TMPRSS15: variants seen among roughly 807,000 people sequenced by gnomAD.
TMPRSS15 encodes enteropeptidase.
In TMPRSS15, 128 loss-of-function variants were observed where a neutral mutation model predicts 125.3. The observed-to-expected ratio is 1.02, with a 90% CI of 0.89 to 1.18. The LOEUF (loss-of-function observed/expected upper bound fraction) is 1.18, where lower values mean the gene tolerates loss of function less well. TMPRSS15 is among the 50% of genes most tolerant of loss of function. The pLI is 0.00. For synonymous variants in TMPRSS15, 446 were observed against 423.2 expected (o/e 1.05, Z -0.66); for missense variants, 1,283 against 1,212.7 (o/e 1.06, Z -0.86).
At chr21:18,310,482 C>G (rs1253568888) in intron 18 of TMPRSS15, among the ~76,000 whole-genome samples, 1 of 151,778 alleles carries the variant, frequency 6.6e-6, no homozygotes, top group Non-Finnish European at 1.5e-5. Flanking sequence ...AAACAAACAC[C>G]TAGAAATAAA....
intron 8 of TMPRSS15, among the ~76,000 whole-genome samples, chr21:18,354,607 A>T (rs2147010309): frequency 6.6e-6 from 1 of 151,836 alleles, no homozygotes. Context: ...GGAGAAAAAC[A>T]GTTTTAATTT....
intron 1 of TMPRSS15, among the ~76,000 whole-genome samples, chr21:18,453,267 A>G (rs1195293238): frequency 6.6e-6 from 1 of 152,172 alleles, no homozygotes; most frequent in Non-Finnish European, 1.5e-5. Flanking sequence ...AATAAATCTG[A>G]TTATATTTCC....
chr21:18,394,515 T>TTCTCTCTCTCTCTCTCTGTC (rs992477854), intron 3 of TMPRSS15, among the ~76,000 whole-genome samples: 1 of 148,736 alleles, frequency 6.7e-6, no homozygotes, highest in Non-Finnish European at 1.5e-5. Flanking sequence ...ATGTATGGCA[T>TTCTCTCTCTCTCTCTCTGTC]TCTCTCTCTC....
In TMPRSS15 at chr21:18,326,569, A is replaced by G. The variant is rs1601338358; in HGVS notation, c.1784T>C (p.Val595Ala). 2.5e-6 allele frequency: 4 copies of G among 1,614,076 alleles called. No homozygotes were observed. The East Asian group carries it at 6.7e-5, about 27-fold the overall frequency. The change falls in exon 16 of 25, where the codon GTG becomes GCG. Residue 595 changes from valine to alanine, a missense_variant. By Grantham distance (64) the Val-to-Ala change is moderately conservative. Transcript: ENST00000284885. The stretch of plus-strand genomic sequence containing the variant: ...CTTTACTGGGCCAGGCCCTGTGTAC[A>G]CAGCTGTTCCAAAGGAAAACGAGAT... ...GEEADSLLLAVYTGPGPVKDV... is the reference protein window; with the variant it reads ...GEEADSLLLAAYTGPGPVKDV...
At chr21:18,392,039 G>T (rs2075995178) in intron 3 of TMPRSS15, among the ~76,000 whole-genome samples, 2 of 152,220 alleles carry the variant, frequency 1.3e-5, no homozygotes, top group African/African-American at 4.8e-5. Flanking sequence ...GTACACAGCA[G>T]TGGGGTCCTG....
rs202065348 is a variant in TMPRSS15 at position 18,357,400 on chromosome 21, GA to G, written c.880+2356del. Among the ~76,000 whole-genome samples, 894 of 151,696 alleles carry G rather than the reference GA, an allele frequency of 5.9e-3. 12 individuals are homozygous for G. The highest frequency in any genetic ancestry group is 0.02 in the African/African-American group (833 of 41,454). ...ATCACAATTGTAGATTAAAATGATG[GA>G]AAAAAATGCCTTTAGGATTTGTTTA... On this transcript the variant is annotated intron_variant, in intron 8 of 24. Coordinates refer to ENST00000284885, the MANE Select transcript of TMPRSS15 (RefSeq NM_002772.3).
intron 3 of TMPRSS15, among the ~76,000 whole-genome samples, chr21:18,396,441 G>A (rs1378588004): frequency 2.0e-5 from 3 of 152,050 alleles, no homozygotes; most frequent in African/African-American, 4.8e-5. Context: ...CGGAATAATT[G>A]CATCTCCCTC....
At chr21:18,388,946 G>T (rs1302132136) in intron 3 of TMPRSS15, among the ~76,000 whole-genome samples, 2 of 152,078 alleles carry the variant, frequency 1.3e-5, no homozygotes, top group African/African-American at 4.8e-5. Context: ...TGGAAACAGA[G>T]GGAAGGGACT....
At chr21:18,279,410 C>T (rs1013459078) in intron 22 of TMPRSS15, among the ~76,000 whole-genome samples, 1 of 145,002 alleles carries the variant, frequency 6.9e-6, no homozygotes, top group African/African-American at 2.5e-5. Context: ...ACTGCAAGCT[C>T]CACCTCCCAG....
intron 6 of TMPRSS15, among the ~76,000 whole-genome samples, chr21:18,367,056 AT>A (rs1291252488): frequency 6.6e-6 from 1 of 152,082 alleles, no homozygotes; most frequent in Non-Finnish European, 1.5e-5. Flanking sequence ...GTGCATAAAA[AT>A]TTACTTTGGT....
intron 13 of TMPRSS15, among the ~76,000 whole-genome samples, chr21:18,338,793 T>C (rs1257352958): frequency 1.3e-5 from 2 of 152,068 alleles, no homozygotes; most frequent in Non-Finnish European, 2.9e-5. Context: ...TCACCAATTA[T>C]TGTGATGTTA....
At chr21:18,326,293 A>G (rs2075289603) in intron 16 of TMPRSS15, 139 bp downstream of exon 16, 4 of 1,283,356 alleles carry the variant, frequency 3.1e-6, no homozygotes, top group Middle Eastern at 2.6e-4. Context: ...AGGAGGAAAA[A>G]TCATCTTCAT....
intron 1 of TMPRSS15, among the ~76,000 whole-genome samples, chr21:18,437,330 T>C (rs1212566269): frequency 6.6e-6 from 1 of 152,086 alleles, no homozygotes; most frequent in African/African-American, 2.4e-5. Flanking sequence ...TAATTCAAGA[T>C]GGATTAAAGA....
chr21:18,479,327 A>C (rs1210125064), intron 1 of TMPRSS15, among the ~76,000 whole-genome samples: 1 of 151,994 alleles, frequency 6.6e-6, no homozygotes, highest in Non-Finnish European at 1.5e-5. Flanking sequence ...TGGCATATTC[A>C]GAATTCACCA....
chr21:18,380,503 A>G, intron 4 of TMPRSS15: 2 of 469,214 alleles, frequency 4.3e-6, no homozygotes, highest in Non-Finnish European at 4.4e-6. Flanking sequence ...TTTGATGATC[A>G]CTAAGTTGTA....
At chr21:18,383,138 C>T (rs977594173) in intron 4 of TMPRSS15, among the ~76,000 whole-genome samples, 1 of 152,048 alleles carries the variant, frequency 6.6e-6, no homozygotes, top group African/African-American at 2.4e-5. Context: ...TTGAACGGTG[C>T]AAAGAATGCG....
intron 13 of TMPRSS15, among the ~76,000 whole-genome samples, chr21:18,333,775 T>C (rs932566144): frequency 1.3e-5 from 2 of 152,156 alleles, no homozygotes; most frequent in African/African-American, 2.4e-5. Flanking sequence ...AGTCTGACAC[T>C]TTAAGTAGGT....
At chr21:18,455,686 C>A (rs982776979) in intron 1 of TMPRSS15, among the ~76,000 whole-genome samples, 1 of 152,082 alleles carries the variant, frequency 6.6e-6, no homozygotes, top group African/African-American at 2.4e-5. Context: ...GGAGAAGACC[C>A]CCTTGAGTTC....
chr21:18,426,782 GA>G (rs746046763), intron 1 of TMPRSS15, among the ~76,000 whole-genome samples: 14 of 152,218 alleles, frequency 9.2e-5, no homozygotes, highest in South Asian at 6.2e-4. Flanking sequence ...TAAGAATGTG[GA>G]AAAAATGTGT....
Sources: allele counts gnomAD v4.1 joint callset (sites outside exome capture counted in the v4.1 genomes callset), GRCh38; gene constraint gnomAD v4.1.1; transcripts MANE v1.5; gene names NCBI Gene and HGNC (gene_info 2026-07-23, HGNC 2026-07-21).